Variants in TMEFF2 observed in about 807,000 individuals in gnomAD.
TMEFF2 encodes the protein transmembrane protein with EGF like and two follistatin like domains 2.
TMEFF2 carries 28 observed loss-of-function variants against 53.8 expected under a neutral mutation model. The ratio of observed to expected loss-of-function variants is 0.52; its 90% confidence interval spans 0.39 to 0.71. TMEFF2 has a LOEUF of 0.71. Among genes scored for constraint, TMEFF2 ranks in the 30% least tolerant of loss-of-function variants. TMEFF2 has a pLI of 0.00. For missense variants in TMEFF2, 353 were observed against 455.2 expected (o/e 0.78, Z 2.04); for synonymous variants, 162 against 166.3 (o/e 0.97, Z 0.20).
chr2:192,116,301 G>C (rs1017672883), intron 4 of TMEFF2, among the ~76,000 whole-genome samples: 1 of 151,974 alleles, frequency 6.6e-6, no homozygotes, highest in African/African-American at 2.4e-5. Flanking sequence ...ACTGAGAGCA[G>C]AGTGTGATTA....
At chr2:191,966,871 A>G (rs1465718521) in intron 7 of TMEFF2, among the ~76,000 whole-genome samples, 3 of 152,282 alleles carry the variant, frequency 2.0e-5, no homozygotes, top group African/African-American at 7.2e-5. Flanking sequence ...AGAGCATCCT[A>G]AAAAGAACTG....
At chr2:192,084,783 G>T (rs1688631589) in intron 4 of TMEFF2, among the ~76,000 whole-genome samples, 1 of 152,036 alleles carries the variant, frequency 6.6e-6, no homozygotes, top group South Asian at 2.1e-4. Flanking sequence ...AATGTGAGTG[G>T]GTGTCTAGCA....
intron 5 of TMEFF2, among the ~76,000 whole-genome samples, chr2:192,025,783 G>A (rs1436349189): frequency 6.6e-6 from 1 of 152,176 alleles, no homozygotes; most frequent in Non-Finnish European, 1.5e-5. Flanking sequence ...GATATGGGAT[G>A]GGTGCTAGCT....
intron 7 of TMEFF2, among the ~76,000 whole-genome samples, chr2:191,983,001 C>G (rs1213739427): frequency 6.6e-6 from 1 of 152,110 alleles, no homozygotes; most frequent in African/African-American, 2.4e-5. Flanking sequence ...TTCTATGAAG[C>G]ATGAGGGGAC....
intron 4 of TMEFF2, among the ~76,000 whole-genome samples, chr2:192,078,682 A>G (rs1435303283): frequency 6.6e-6 from 1 of 152,158 alleles, no homozygotes; most frequent in Non-Finnish European, 1.5e-5. Context: ...CAAATGAAAA[A>G]CTATATTCTA....
intron 7 of TMEFF2, among the ~76,000 whole-genome samples, chr2:191,964,253 CTTCCTCCT>C (rs1559063100): frequency 2.4e-5 from 1 of 42,300 alleles, no homozygotes; most frequent in Non-Finnish European, 4.5e-5. Flanking sequence ...TCCTTCCTTC[CTTCCTCCT>C]TTCTTTTCTT....
intron 4 of TMEFF2, among the ~76,000 whole-genome samples, chr2:192,128,798 C>T (rs1689739720): frequency 6.6e-6 from 1 of 152,152 alleles, no homozygotes; most frequent in Admixed American, 6.5e-5. Flanking sequence ...TGCCAAGCAG[C>T]TTCCAAATGT....
chr2:192,156,557 T>C (rs1690510570), intron 4 of TMEFF2, among the ~76,000 whole-genome samples: 2 of 152,054 alleles, frequency 1.3e-5, no homozygotes, highest in South Asian at 4.1e-4. Flanking sequence ...TCTATTGATT[T>C]AAAAATTAAG....
chr2:192,019,414 A>G (rs1312879221), intron 5 of TMEFF2, among the ~76,000 whole-genome samples: 4 of 152,024 alleles, frequency 2.6e-5, no homozygotes, highest in African/African-American at 7.2e-5. Flanking sequence ...CACTTTGGCT[A>G]AACAATTTAA....
At chr2:191,991,160 T>A (rs901669675) in intron 7 of TMEFF2, among the ~76,000 whole-genome samples, 2 of 152,064 alleles carry the variant, frequency 1.3e-5, no homozygotes, top group Non-Finnish European at 2.9e-5. Context: ...TGCTGAAAAC[T>A]TATAAATAAG....
chr2:192,130,453 C>A lies in TMEFF2; in HGVS notation c.439+49215G>T, dbSNP rs536393747. Among the ~76,000 whole-genome samples, 252 of 152,266 alleles carry A rather than the reference C, an allele frequency of 1.7e-3. 1 individual carries two copies. The highest frequency in any genetic ancestry group is 5.4e-3 in the African/African-American group (224 of 41,558). ...GACTTGCACATATACACCCAGATGG[C>A]CTGAAGTAACTGAAGAATCACAAAA... On this transcript the variant is annotated intron_variant, in intron 4 of 9. Transcript: ENST00000272771.
chr2:192,153,066 C>T (rs558391100), intron 4 of TMEFF2, among the ~76,000 whole-genome samples: 1 of 150,956 alleles, frequency 6.6e-6, no homozygotes, highest in South Asian at 2.1e-4. Flanking sequence ...AGTACAGAGC[C>T]TATATTTAAA....
intron 7 of TMEFF2, among the ~76,000 whole-genome samples, chr2:191,964,344 CTTT>C (rs1692376191): frequency 2.6e-5 from 2 of 77,676 alleles, no homozygotes; most frequent in Non-Finnish European, 5.0e-5. Flanking sequence ...TTCTTTCTTT[CTTT>C]CTTTCTTTCT....
Position 191,949,987 on chromosome 2 carries a change from T to C in TMEFF2, c.*324A>G, listed in dbSNP as rs1691820348. The C allele has an allele frequency of 1.8e-6, 2 of 1,104,848 alleles. No homozygotes were observed. Among genetic ancestry groups the C allele is most frequent in the Non-Finnish European group, 2.2e-6 (2 of 902,526 alleles). 68.4% of individuals were successfully genotyped at this position (1,104,848 alleles called of 1,614,324 possible). A position where few individuals can be genotyped will look rare whatever the true frequency, so the allele number is the denominator to read the frequency against. ...GTACTAGTCTGATTATATTTACAGT[T>C]ATGAGATACCGCAAATTTAAGAATG... On this transcript the variant is annotated 3_prime_UTR_variant, in exon 10 of 10. Transcript: ENST00000272771.
At chr2:192,177,596 T>C (rs778830782) in intron 4 of TMEFF2, 2 of 151,100 alleles carry the variant, frequency 1.3e-5, no homozygotes, top group African/African-American at 2.4e-5. Context: ...AAATGTGTTA[T>C]ATGCTTTTTT....
rs188677685 is a variant in TMEFF2 at position 192,149,164 on chromosome 2, G to A, written c.439+30504C>T. Among the ~76,000 whole-genome samples, 44 of 152,006 alleles carry A rather than the reference G, an allele frequency of 2.9e-4. No homozygotes were observed. In the East Asian group the frequency reaches 6.2e-3, roughly 21 times the overall value. Reference sequence around the variant, plus strand: ...ATAGGTTTTGTTGGATTGGGAAGTCGGATGGTTCATGCCTAGGGCCTCAAG... The same window carrying A: ...ATAGGTTTTGTTGGATTGGGAAGTCAGATGGTTCATGCCTAGGGCCTCAAG... On this transcript the variant is annotated intron_variant, in intron 4 of 9. Coordinates refer to ENST00000272771, the MANE Select transcript of TMEFF2 (RefSeq NM_016192.4).
chr2:192,037,737 A>C (rs1687367185), intron 5 of TMEFF2: 1 of 152,144 alleles, frequency 6.6e-6, no homozygotes, highest in African/African-American at 2.4e-5. Flanking sequence ...ATACATGGCA[A>C]CAAAATCTTC....
rs536499189 is a variant in TMEFF2 at position 192,109,715 on chromosome 2, G to A, written c.440-51940C>T. 3.9e-5 allele frequency among the ~76,000 whole-genome samples: 6 copies of A among 152,186 alleles called. No homozygotes were observed. In the South Asian group the frequency reaches 1.2e-3, roughly 32 times the overall value. On this transcript the variant is annotated intron_variant, in intron 4 of 9. Transcript: ENST00000272771. ...GACTTAAAAAATTGAATTGAAGTAG[G>A]AACTTCAATTAGAACTCCAGATTTT...
At chr2:192,050,444 T>G (rs1277772554) in intron 5 of TMEFF2, among the ~76,000 whole-genome samples, 1 of 152,178 alleles carries the variant, frequency 6.6e-6, no homozygotes, top group Non-Finnish European at 1.5e-5. Context: ...TGTTTATTTT[T>G]ATTTTTCAAT....
Sources: allele counts gnomAD v4.1 joint callset (sites outside exome capture counted in the v4.1 genomes callset), GRCh38; gene constraint gnomAD v4.1.1; transcripts MANE v1.5; gene names NCBI Gene and HGNC (gene_info 2026-07-23, HGNC 2026-07-21).